Variants in CAMK2D observed in about 807,000 individuals in gnomAD.
CAMK2D encodes calcium/calmodulin dependent protein kinase II delta.
In CAMK2D, 37 loss-of-function variants were observed where a neutral mutation model predicts 84.0. The observed-to-expected ratio is 0.44, with a 90% CI of 0.34 to 0.58. The LOEUF is 0.58. CAMK2D is among the 20% of genes least tolerant of loss of function. The pLI is 0.02. For synonymous variants in CAMK2D, 202 were observed against 212.5 expected (o/e 0.95, Z 0.43); for missense variants, 448 against 652.5 (o/e 0.69, Z 3.41).
chr4:113,732,076 A>G (rs1196881790), intron 2 of CAMK2D, among the ~76,000 whole-genome samples: 1 of 151,110 alleles, frequency 6.6e-6, no homozygotes, highest in African/African-American at 2.4e-5. Context: ...AAGTTAGGCA[A>G]CTAGAGTCCA....
intron 15 of CAMK2D, among the ~76,000 whole-genome samples, chr4:113,502,406 CAAT>C (rs60086802): frequency 0.037 from 5,070 of 136,160 alleles, 216 homozygotes; most frequent in African/African-American, 0.12. Flanking sequence ...ACAACAACAA[CAAT>C]AACAACAATA....
intron 9 of CAMK2D, among the ~76,000 whole-genome samples, chr4:113,516,497 A>T (rs528938662): frequency 3.7e-4 from 56 of 152,308 alleles, no homozygotes; most frequent in Non-Finnish European, 6.0e-4. Context: ...GTCTGTAAAG[A>T]TGGTGAATGT....
intron 14 of CAMK2D, 120 bp from the exon 15 acceptor site, chr4:113,503,097 G>A (rs2098079228): frequency 3.9e-6 from 3 of 774,420 alleles, no homozygotes; most frequent in Non-Finnish European, 4.7e-6. Context: ...GAGCTAAAGC[G>A]ATGTTAACTG....
chr4:113,647,270 T>C (rs2099155815), intron 3 of CAMK2D, among the ~76,000 whole-genome samples: 1 of 152,244 alleles, frequency 6.6e-6, no homozygotes, highest in Admixed American at 6.5e-5. Flanking sequence ...TATGCTACCT[T>C]GGCTCTGCTT....
At chr4:113,472,482 A>T (rs988275865) in intron 16 of CAMK2D, among the ~76,000 whole-genome samples, 9 of 152,254 alleles carry the variant, frequency 5.9e-5, no homozygotes, top group African/African-American at 2.2e-4. Flanking sequence ...AGATACTTCT[A>T]GTCAATGTTT....
At chr4:113,648,393 T>C (rs1166242422) in intron 3 of CAMK2D, among the ~76,000 whole-genome samples, 1 of 152,254 alleles carries the variant, frequency 6.6e-6, no homozygotes, top group East Asian at 1.9e-4. Flanking sequence ...GGTAATATAC[T>C]GTTGGGCACG....
In CAMK2D at chr4:113,719,218, A is replaced by G. The variant is rs192066143; in HGVS notation, c.160+40102T>C. Among the ~76,000 whole-genome samples the G allele has an allele frequency of 3.1e-3, 472 of 152,276 alleles. 1 individual carries two copies. Among genetic ancestry groups the G allele is most frequent in the African/African-American group, 0.011 (439 of 41,556 alleles). On this transcript the variant is annotated intron_variant, in intron 2 of 20. Coordinates refer to ENST00000511664, the MANE Select transcript of CAMK2D (RefSeq NM_001321571.2). ...GACTGAGATCCTGTACTAGGACCCA[A>G]CGGAATAGACCAAACCAAAATGGAG...
At chr4:113,565,739 C>G (rs2098720704) in intron 4 of CAMK2D, among the ~76,000 whole-genome samples, 1 of 151,720 alleles carries the variant, frequency 6.6e-6, no homozygotes, top group Non-Finnish European at 1.5e-5. Context: ...TAATCTTTGC[C>G]ACCCAGATGA....
At chr4:113,511,226 A>AAAT (rs1234387822) in intron 12 of CAMK2D, among the ~76,000 whole-genome samples, 2 of 152,188 alleles carry the variant, frequency 1.3e-5, no homozygotes, top group Non-Finnish European at 2.9e-5. Flanking sequence ...AGGATGAATA[A>AAAT]AATACTCTAA....
chr4:113,486,997 T>A (rs1373380012), intron 16 of CAMK2D, among the ~76,000 whole-genome samples: 1 of 152,218 alleles, frequency 6.6e-6, no homozygotes, highest in Non-Finnish European at 1.5e-5. Context: ...CAGGTGTTCA[T>A]AAAATATTTG....
At chr4:113,647,354 T>C (rs1397957470) in intron 3 of CAMK2D, among the ~76,000 whole-genome samples, 2 of 152,270 alleles carry the variant, frequency 1.3e-5, no homozygotes, top group Non-Finnish European at 2.9e-5. Flanking sequence ...TTTTCTTTAA[T>C]AGATTTGTCC....
chr4:113,685,820 T>C (rs934510499), intron 2 of CAMK2D, among the ~76,000 whole-genome samples: 11 of 151,984 alleles, frequency 7.2e-5, no homozygotes, highest in Non-Finnish European at 1.6e-4. Context: ...TCCTGGCACT[T>C]TGGGAGGCTG....
chr4:113,597,952 G>C (rs2098934798), intron 4 of CAMK2D, among the ~76,000 whole-genome samples: 1 of 152,084 alleles, frequency 6.6e-6, no homozygotes, highest in South Asian at 2.1e-4. Flanking sequence ...GGGGCAGTCA[G>C]AACACACACA....
chr4:113,619,777 C>T (rs1013520457), intron 3 of CAMK2D, among the ~76,000 whole-genome samples: 1 of 152,054 alleles, frequency 6.6e-6, no homozygotes, highest in Admixed American at 6.6e-5. Flanking sequence ...TGGTATAAAG[C>T]TAGGATTTCA....
chr4:113,640,275 A>C (rs2099127135), intron 3 of CAMK2D, among the ~76,000 whole-genome samples: 1 of 152,152 alleles, frequency 6.6e-6, no homozygotes, highest in Non-Finnish European at 1.5e-5. Flanking sequence ...AACCTCTAAA[A>C]TAGATTTGGG....
At chr4:113,720,924 C>T (rs1353148763) in intron 2 of CAMK2D, among the ~76,000 whole-genome samples, 1 of 152,040 alleles carries the variant, frequency 6.6e-6, no homozygotes, top group African/African-American at 2.4e-5. Flanking sequence ...ATATTAAGTA[C>T]AAGTGAATAT....
rs1000260224 is a variant in CAMK2D at position 113,466,245 on chromosome 4, A to G, written c.1136-641T>C. ...GCACTCCAGCCTGGGCAACAAGAGC[A>G]AAACTCCGTCTCAAAAATAAATAAA... On this transcript the variant is annotated intron_variant, in intron 16 of 20. Transcript: ENST00000511664. 3.3e-5 allele frequency among the ~76,000 whole-genome samples: 5 copies of G among 150,000 alleles called. No homozygotes were observed. In the Admixed American group the frequency reaches 3.3e-4, roughly 10 times the overall value.
chr4:113,709,230 A>G (rs1007839239), intron 2 of CAMK2D, among the ~76,000 whole-genome samples: 10 of 152,018 alleles, frequency 6.6e-5, no homozygotes, highest in African/African-American at 2.4e-4. Flanking sequence ...ATTATAATCT[A>G]GCTTTTCCTG....
intron 15 of CAMK2D, among the ~76,000 whole-genome samples, 195 bp from the exon 16 acceptor site, chr4:113,500,706 G>C (rs780418172): frequency 2.6e-5 from 4 of 152,000 alleles, no homozygotes; most frequent in African/African-American, 9.7e-5. Flanking sequence ...CATTTCAAAC[G>C]GAGTACTCTG....
Sources: gnomAD v4.1 joint callset for allele counts (sites outside exome capture counted in the v4.1 genomes callset) on GRCh38, gnomAD v4.1.1 for gene constraint, MANE v1.5 for transcripts, NCBI Gene and HGNC (gene_info 2026-07-23, HGNC 2026-07-21) for gene names.